CNBD1: variants seen among roughly 807,000 people sequenced by gnomAD.
CNBD1 encodes cyclic nucleotide binding domain containing 1.
In CNBD1, 71 loss-of-function variants were observed where a neutral mutation model predicts 54.4. That is an observed-to-expected ratio of 1.30 (90% CI 1.08 to 1.59). The LOEUF (loss-of-function observed/expected upper bound fraction) is 1.59, where lower values mean the gene tolerates loss of function less well. CNBD1 is among the 40% of genes most tolerant of loss of function. CNBD1 has a pLI of 0.00. For synonymous variants in CNBD1, 182 were observed against 170.7 expected (o/e 1.07, Z -0.51); for missense variants, 659 against 518.0 (o/e 1.27, Z -2.64).
intron 4 of CNBD1, among the ~76,000 whole-genome samples, chr8:86,945,105 C>G (rs1002021400): frequency 7.9e-5 from 12 of 152,104 alleles, no homozygotes; most frequent in Admixed American, 3.9e-4. Context: ...TTATAAAATA[C>G]TATGGTAAAA....
chr8:87,190,983 T>C (rs1813599195), intron 4 of CNBD1, among the ~76,000 whole-genome samples: 1 of 147,200 alleles, frequency 6.8e-6, no homozygotes, highest in Non-Finnish European at 1.5e-5. Context: ...TATATATGTA[T>C]CTAATGAAAG....
chr8:86,912,199 T>G (rs189961963), intron 3 of CNBD1, among the ~76,000 whole-genome samples: 21 of 152,156 alleles, frequency 1.4e-4, no homozygotes, highest in African/African-American at 4.8e-4. Flanking sequence ...AAAAAAATTT[T>G]AAAAAATTCA....
At chr8:87,304,548 A>C (rs914682851) in intron 8 of CNBD1, among the ~76,000 whole-genome samples, 1 of 152,106 alleles carries the variant, frequency 6.6e-6, no homozygotes, top group African/African-American at 2.4e-5. Context: ...GTGATGAGTT[A>C]ATGGGTGCAG....
chr8:86,976,919 CT>C (rs1036104064), intron 4 of CNBD1, among the ~76,000 whole-genome samples: 2 of 151,852 alleles, frequency 1.3e-5, no homozygotes, highest in South Asian at 2.1e-4. Flanking sequence ...GTTTTAACAA[CT>C]TTTTTTTGGA....
chr8:87,215,466 T>C (rs1213492691), intron 5 of CNBD1, among the ~76,000 whole-genome samples: 1 of 151,810 alleles, frequency 6.6e-6, no homozygotes, highest in Non-Finnish European at 1.5e-5. Context: ...CGGGTGCCTG[T>C]AGTCCCAGCT....
At chr8:87,295,814 AAT>A (rs1808866276) in intron 8 of CNBD1, among the ~76,000 whole-genome samples, 1 of 152,178 alleles carries the variant, frequency 6.6e-6, no homozygotes, top group Admixed American at 6.5e-5. Flanking sequence ...AAGCAAACTT[AAT>A]ATATAAAAAT....
chr8:87,398,969 GT>G (rs1811455198), intron 2 of CNBD1, among the ~76,000 whole-genome samples: 2 of 151,956 alleles, frequency 1.3e-5, no homozygotes, highest in Non-Finnish European at 2.9e-5. Context: ...CAGAGAGATT[GT>G]TATTCTTCAC....
intron 6 of CNBD1, among the ~76,000 whole-genome samples, chr8:87,255,143 C>T (rs1042912083): frequency 6.6e-6 from 1 of 151,980 alleles, no homozygotes; most frequent in Admixed American, 6.6e-5. Context: ...ACTTAAGACC[C>T]TTTGCATTTC....
intron 6 of CNBD1, among the ~76,000 whole-genome samples, chr8:87,254,033 T>C (rs1442566878): frequency 1.3e-5 from 2 of 152,242 alleles, no homozygotes; most frequent in African/African-American, 4.8e-5. Flanking sequence ...ATTACATTCC[T>C]ATGTTCATGG....
At chr8:87,046,043 A>T (rs1220569714) in intron 4 of CNBD1, among the ~76,000 whole-genome samples, 1 of 43,808 alleles carries the variant, frequency 2.3e-5, no homozygotes, top group South Asian at 5.3e-4. Flanking sequence ...TTCCTCTCAT[A>T]AAAAAAAAAA....
intron 4 of CNBD1, among the ~76,000 whole-genome samples, chr8:87,205,586 TA>T (rs1813955371): frequency 6.6e-6 from 1 of 152,172 alleles, no homozygotes; most frequent in South Asian, 2.1e-4. Context: ...TAATAGTACT[TA>T]AAAGAATTAA....
intron 4 of CNBD1, among the ~76,000 whole-genome samples, chr8:87,050,794 AC>A (rs1383290976): frequency 3.3e-5 from 5 of 152,104 alleles, no homozygotes; most frequent in African/African-American, 7.2e-5. Flanking sequence ...GGGTTTCTGC[AC>A]TCCTAATATT....
At chr8:87,349,611 A>T (rs1586036360) in intron 8 of CNBD1, among the ~76,000 whole-genome samples, 1 of 152,154 alleles carries the variant, frequency 6.6e-6, no homozygotes, top group Admixed American at 6.5e-5. Flanking sequence ...CTGACCTCAG[A>T]TGATCTGCCC....
intron 8 of CNBD1, among the ~76,000 whole-genome samples, chr8:87,291,159 C>T (rs1476041695): frequency 6.6e-6 from 1 of 152,138 alleles, no homozygotes; most frequent in South Asian, 2.1e-4. Flanking sequence ...ACATTTGTAT[C>T]TGGGCCATAC....
intron 10 of CNBD1, among the ~76,000 whole-genome samples, chr8:87,366,786 G>A (rs1000514513): frequency 2.6e-5 from 4 of 152,020 alleles, no homozygotes. Context: ...TCTCTGCTAT[G>A]AGGCAGCATG....
At chr8:87,211,532 G>A (rs1463751869) in intron 5 of CNBD1, among the ~76,000 whole-genome samples, 1 of 152,102 alleles carries the variant, frequency 6.6e-6, no homozygotes, top group East Asian at 1.9e-4. Flanking sequence ...TTGGGGGTGG[G>A]TCCCTTGTGA....
chr8:87,295,274 A>T (rs1006806538), intron 8 of CNBD1, among the ~76,000 whole-genome samples: 3 of 151,890 alleles, frequency 2.0e-5, no homozygotes, highest in Non-Finnish European at 4.4e-5. Flanking sequence ...TTTGACAAAG[A>T]TATTTATATC....
At chr8:86,910,765 G>A (rs79375982) in intron 3 of CNBD1, among the ~76,000 whole-genome samples, 2 of 152,294 alleles carry the variant, frequency 1.3e-5, no homozygotes, top group East Asian at 1.9e-4. Context: ...AAACTAGGAC[G>A]TGGACACAAC....
intron 8 of CNBD1, among the ~76,000 whole-genome samples, chr8:87,315,129 GA>G (rs1311425017): frequency 6.6e-6 from 1 of 151,684 alleles, no homozygotes; most frequent in South Asian, 2.1e-4. Context: ...AAGTCAGAAA[GA>G]AAAAAATGAG....
Sources: gnomAD v4.1 joint callset for allele counts (sites outside exome capture counted in the v4.1 genomes callset) on GRCh38, gnomAD v4.1.1 for gene constraint, MANE v1.5 for transcripts, NCBI Gene and HGNC (gene_info 2026-07-23, HGNC 2026-07-21) for gene names.